PKHD1: variants seen among roughly 807,000 people sequenced by gnomAD.
PKHD1 encodes PKHD1 ciliary IPT domain containing fibrocystin/polyductin.
In PKHD1, 291 loss-of-function variants were observed where a neutral mutation model predicts 412.0. The ratio of observed to expected loss-of-function variants is 0.71; its 90% CI spans 0.64 to 0.78. The LOEUF is 0.78. PKHD1 is among the 30% of genes least tolerant of loss of function. The probability of loss-of-function intolerance (pLI) is 0.00; values close to 1 mark genes in which losing one functional copy is unlikely to be tolerated. For missense variants in PKHD1, 4,825 were observed against 4,950.7 expected (o/e 0.97, Z 0.76); for synonymous variants, 1,777 against 1,821.5 (o/e 0.98, Z 0.62).
At chr6:51,966,371 C>T (rs974019454) in intron 35 of PKHD1, among the ~76,000 whole-genome samples, 1 of 152,114 alleles carries the variant, frequency 6.6e-6, no homozygotes, top group Non-Finnish European at 1.5e-5. Flanking sequence ...TTAGCTTTTA[C>T]AAAGGAGGCA....
At chr6:52,016,452 A>G (rs2128128245) in intron 34 of PKHD1, among the ~76,000 whole-genome samples, 1 of 152,212 alleles carries the variant, frequency 6.6e-6, no homozygotes, top group East Asian at 1.9e-4. Flanking sequence ...CTTGGCCAAC[A>G]TGATGAAACC....
chr6:51,987,106 A>C (rs547338353), intron 35 of PKHD1, among the ~76,000 whole-genome samples: 3 of 152,356 alleles, frequency 2.0e-5, no homozygotes, highest in African/African-American at 7.2e-5. Context: ...AAGATAGAAC[A>C]CCAACCAGCA....
intron 34 of PKHD1, 67 bp from the exon 35 acceptor site, chr6:52,010,526 T>A (rs1188587731): frequency 1.5e-6 from 2 of 1,310,068 alleles, no homozygotes; most frequent in African/African-American, 2.9e-5. Context: ...TTTTTACTCT[T>A]ATTAATCATT....
rs562526578 is a variant in PKHD1, at chr6:52,010,487, G to A, written c.5601-28C>T. 4 of 1,506,840 alleles carry A rather than the reference G, an allele frequency of 2.7e-6. No individual in the cohort carries two copies. In the African/African-American group the frequency reaches 5.5e-5, roughly 21 times the overall value. 93.3% of individuals were successfully genotyped at this position (1,506,840 alleles called of 1,614,324 possible). A position where few individuals can be genotyped will look rare whatever the true frequency, so the allele number is the denominator to read the frequency against. On this transcript the variant is annotated intron_variant, in intron 34 of 66. Coordinates refer to ENST00000371117, the MANE Select transcript of PKHD1 (RefSeq NM_138694.4). ...GAAACGAGAGGGGAGGTTAAATGGGGTGTCATCAATCTTAATGAAATGCAA... is the reference window on the plus strand; with the variant it reads ...GAAACGAGAGGGGAGGTTAAATGGGATGTCATCAATCTTAATGAAATGCAA...
At chr6:52,015,622 A>G (rs1465809546) in intron 34 of PKHD1, among the ~76,000 whole-genome samples, 2 of 152,120 alleles carry the variant, frequency 1.3e-5, no homozygotes, top group African/African-American at 4.8e-5. Flanking sequence ...CAGGAGATCG[A>G]GACCATCCTG....
chr6:51,882,706 G>C (rs1047708448), intron 46 of PKHD1, among the ~76,000 whole-genome samples: 13 of 152,168 alleles, frequency 8.5e-5, no homozygotes, highest in African/African-American at 2.9e-4. Context: ...AAGTCATCTA[G>C]AGTCTGATTT....
intron 35 of PKHD1, among the ~76,000 whole-genome samples, chr6:51,996,008 ATTT>A (rs546863128): frequency 1.4e-5 from 2 of 143,422 alleles, no homozygotes; most frequent in Non-Finnish European, 3.1e-5. Context: ...AAGAACGGCA[ATTT>A]TTTTTTTTTT....
chr6:51,925,712 A>G (rs2127732548), intron 37 of PKHD1, among the ~76,000 whole-genome samples: 1 of 152,086 alleles, frequency 6.6e-6, no homozygotes, highest in East Asian at 1.9e-4. Flanking sequence ...AACTTACACC[A>G]TTGGTCTTCC....
intron 35 of PKHD1, among the ~76,000 whole-genome samples, chr6:51,987,765 A>T (rs916358445): frequency 2.0e-5 from 3 of 151,460 alleles, no homozygotes; most frequent in Admixed American, 1.3e-4. Context: ...GAAACTGTGA[A>T]CTTTTGGTAT....
rs1232982233 is a variant in PKHD1, at chr6:51,903,707, T to C, written c.6886A>G (p.Ile2296Val). The change falls in exon 43 of 67, where the codon ATA becomes GTA. Residue 2296 changes from isoleucine to valine, a missense_variant. Coordinates refer to ENST00000371117, the MANE Select transcript of PKHD1 (RefSeq NM_138694.4). Reference protein sequence around the residue: ...RKDDWSGHGNIIRNNVIIQVS... With the variant: ...RKDDWSGHGNVIRNNVIIQVS... ...TGGATGATCACGTTGTTTCTTATTA[T>C]ATTTCCATGTCCTGACCAGTCTAAT... The C allele has an allele frequency of 6.2e-7, 1 of 1,611,404 alleles. No individual in the cohort carries two copies. Among genetic ancestry groups the C allele is most frequent in the African/African-American group, 1.3e-5 (1 of 74,738 alleles).
chr6:51,944,556 T>C (rs1423044450), intron 36 of PKHD1, among the ~76,000 whole-genome samples: 1 of 152,174 alleles, frequency 6.6e-6, no homozygotes, highest in Non-Finnish European at 1.5e-5. Context: ...ACAGACTCAG[T>C]ACACAAGGAC....
chr6:51,668,088 C>T (rs1173344061), intron 60 of PKHD1, among the ~76,000 whole-genome samples: 2 of 152,208 alleles, frequency 1.3e-5, no homozygotes, highest in Non-Finnish European at 2.9e-5. Context: ...TGAAGAAAGT[C>T]ATTGGTAGCT....
chr6:52,032,128 A>C (rs1393478272), intron 29 of PKHD1, among the ~76,000 whole-genome samples: 3 of 152,210 alleles, frequency 2.0e-5, no homozygotes, highest in Admixed American at 6.5e-5. Flanking sequence ...TCTGAGCTGA[A>C]TAATATTGGA....
chr6:51,936,978 G>T (rs1412767233), intron 36 of PKHD1, among the ~76,000 whole-genome samples: 7 of 152,156 alleles, frequency 4.6e-5, no homozygotes, highest in African/African-American at 1.7e-4. Flanking sequence ...TCTTTACCCT[G>T]AGCTAGGAGA....
chr6:51,687,067 G>T (rs1392438118), intron 60 of PKHD1, among the ~76,000 whole-genome samples: 1 of 152,078 alleles, frequency 6.6e-6, no homozygotes, highest in Non-Finnish European at 1.5e-5. Flanking sequence ...TTCTTTCATT[G>T]TCAAGAGTGA....
intron 53 of PKHD1, 73 bp from the exon 54 acceptor site, chr6:51,775,994 A>G (rs1341752955): frequency 1.3e-6 from 1 of 764,758 alleles, no homozygotes; most frequent in African/African-American, 1.7e-5. Context: ...ATTGCAGTAT[A>G]ATTTCAATAA....
At chr6:51,912,102 A>G (rs1783049723) in intron 38 of PKHD1, 146 bp from the exon 39 acceptor site, 4 of 723,626 alleles carry the variant, frequency 5.5e-6, no homozygotes, top group Non-Finnish European at 9.3e-6. Context: ...AACTATAGAC[A>G]CAAGTACATG....
intron 60 of PKHD1, among the ~76,000 whole-genome samples, chr6:51,719,022 C>T (rs1413447697): frequency 6.6e-6 from 1 of 152,048 alleles, no homozygotes; most frequent in Non-Finnish European, 1.5e-5. Context: ...GGAACAACAT[C>T]CTAGCTGGCT....
intron 45 of PKHD1, among the ~76,000 whole-genome samples, 175 bp downstream of exon 45, chr6:51,885,692 C>T (rs1404785835): frequency 6.6e-6 from 1 of 152,224 alleles, no homozygotes; most frequent in Non-Finnish European, 1.5e-5. Context: ...AACAACTATT[C>T]TACAAGCACC....
Sources: gnomAD v4.1 joint callset for allele counts (sites outside exome capture counted in the v4.1 genomes callset) on GRCh38, gnomAD v4.1.1 for gene constraint, MANE v1.5 for transcripts, NCBI Gene and HGNC (gene_info 2026-07-23, HGNC 2026-07-21) for gene names.